The following MTHFD1L variants were observed in gnomAD, a reference collection of about 807,000 sequenced individuals.
MTHFD1L encodes the protein methylenetetrahydrofolate dehydrogenase (NADP+ dependent) 1 like.
In MTHFD1L, 81 loss-of-function variants were observed where a neutral mutation model predicts 119.5. The observed-to-expected ratio is 0.68, with a 90% CI of 0.57 to 0.82. The LOEUF is 0.82. Among genes scored for constraint, MTHFD1L ranks in the 40% least tolerant of loss-of-function variants. MTHFD1L has a pLI of 0.00. For missense variants in MTHFD1L, 1,125 were observed against 1,253.4 expected, an observed-to-expected ratio of 0.90 and a Z score of 1.55; for synonymous variants, 430 against 475.2, an observed-to-expected ratio of 0.90 and a Z score of 1.24.
At chr6:150,898,169 G>A (rs748971820) in intron 7 of MTHFD1L, among the ~76,000 whole-genome samples, 20 of 152,154 alleles carry the variant, frequency 1.3e-4, no homozygotes, top group Non-Finnish European at 2.4e-4. Context: ...TAATGGGAAC[G>A]TCTTAAACAT....
At chr6:150,893,906 C>G (rs1243881751) in intron 7 of MTHFD1L, among the ~76,000 whole-genome samples, 2 of 152,182 alleles carry the variant, frequency 1.3e-5, no homozygotes, top group East Asian at 3.9e-4. Context: ...GAAAGGCAAT[C>G]ATAATACTCC....
chr6:150,906,527 G>C (rs898061261), intron 8 of MTHFD1L, among the ~76,000 whole-genome samples: 1 of 152,240 alleles, frequency 6.6e-6, no homozygotes, highest in African/African-American at 2.4e-5. Flanking sequence ...TAGCACAGGT[G>C]AGCCAGAGAC....
intron 26 of MTHFD1L, among the ~76,000 whole-genome samples, chr6:151,091,046 C>CATGCGACTGGGTGCAGCATCGTT (rs1794364203): frequency 1.3e-5 from 1 of 76,998 alleles, no homozygotes; most frequent in Non-Finnish European, 2.6e-5. Flanking sequence ...GCAGCATCGC[C>CATGCGACTGGGTGCAGCATCGTT]CCATGCGACT....
chr6:151,060,271 G>A (rs904410838), intron 26 of MTHFD1L, among the ~76,000 whole-genome samples: 4 of 152,126 alleles, frequency 2.6e-5, no homozygotes, highest in Admixed American at 1.3e-4. Context: ...TCAGATGAAC[G>A]GAGATGATTC....
At chr6:150,916,794 C>CTTTTTTTTTTTTT (rs1554245687) in intron 8 of MTHFD1L, among the ~76,000 whole-genome samples, 1 of 74,220 alleles carries the variant, frequency 1.3e-5, no homozygotes, top group Non-Finnish European at 2.5e-5. Flanking sequence ...TGGAGTTTTG[C>CTTTTTTTTTTTTT]TCTTGTTGCC....
intron 20 of MTHFD1L, among the ~76,000 whole-genome samples, chr6:150,991,676 A>G (rs1214330219): frequency 3.3e-5 from 5 of 152,222 alleles, no homozygotes; most frequent in African/African-American, 1.2e-4. Flanking sequence ...GTAGCTGACA[A>G]GTGTCAGCAG....
chr6:151,017,835 T>G (rs375189448), intron 24 of MTHFD1L, among the ~76,000 whole-genome samples: 2 of 144,666 alleles, frequency 1.4e-5, no homozygotes, highest in Non-Finnish European at 3.0e-5. Context: ...GTTTTCTTTT[T>G]TTTTTTTTTT....
intron 26 of MTHFD1L, among the ~76,000 whole-genome samples, chr6:151,069,545 A>G (rs1791727642): frequency 6.6e-6 from 1 of 152,268 alleles, no homozygotes; most frequent in East Asian, 1.9e-4. Context: ...CTAGATATAC[A>G]ACTTTGACTT....
intron 20 of MTHFD1L, among the ~76,000 whole-genome samples, chr6:150,995,014 G>A (rs764121937): frequency 1.3e-5 from 2 of 152,126 alleles, no homozygotes; most frequent in East Asian, 3.9e-4. Flanking sequence ...TATATCTTTC[G>A]TATTTTCCTG....
intron 26 of MTHFD1L, among the ~76,000 whole-genome samples, chr6:151,090,352 G>A (rs1433449706): frequency 6.6e-6 from 1 of 152,232 alleles, no homozygotes; most frequent in Admixed American, 6.5e-5. Context: ...GGTGGCTGGA[G>A]CTGTTGGGGG....
At chr6:151,020,683 A>T (rs182519553) in intron 24 of MTHFD1L, among the ~76,000 whole-genome samples, 5 of 152,332 alleles carry the variant, frequency 3.3e-5, no homozygotes, top group Admixed American at 1.3e-4. Context: ...ACAGAGGATC[A>T]TTTCCTCTCT....
intron 4 of MTHFD1L, among the ~76,000 whole-genome samples, chr6:150,878,795 A>G (rs772720430): frequency 5.4e-4 from 82 of 152,170 alleles, no homozygotes; most frequent in Non-Finnish European, 7.8e-4. Context: ...ACAAGGGGGC[A>G]TTGGTGAGTC....
chr6:150,987,673 G>A (rs550978713), intron 20 of MTHFD1L, among the ~76,000 whole-genome samples: 3 of 152,266 alleles, frequency 2.0e-5, no homozygotes, highest in South Asian at 2.1e-4. Context: ...TTTTACCACC[G>A]TGCTTTGCCA....
At chr6:151,009,796 A>G in intron 20 of MTHFD1L, 23 bp from the exon 21 acceptor site, 1 of 1,613,150 alleles carries the variant, frequency 6.2e-7, no homozygotes, top group Non-Finnish European at 8.5e-7. Flanking sequence ...ATAATAGCAC[A>G]TATTCCACTT....
At position 150,964,982 on chromosome 6, in the gene MTHFD1L, C is replaced by T. The variant is rs1477833805; in HGVS notation, c.1958C>T (p.Ala653Val). The T allele has an allele frequency of 3.1e-6, 5 of 1,613,794 alleles. No individual in the cohort carries two copies. Among genetic ancestry groups the T allele is most frequent in the Non-Finnish European group, 4.2e-6 (5 of 1,179,878 alleles). ...VTADDLGVTG[A>V]LTVLMKDAIK... The stretch of plus-strand genomic sequence containing the variant: ...TCTCTCCTGTAGGGGGTGACAGGTG[C>T]TTTGACAGTTTTGATGAAAGATGCA... The change falls in exon 19 of 28, where the codon GCT (alanine) becomes GTT (valine). Residue 653 changes from alanine (A) to valine (V), a missense_variant. Transcript: ENST00000367321.
At chr6:151,097,899 G>T (rs905347078) in intron 27 of MTHFD1L, among the ~76,000 whole-genome samples, 1 of 152,160 alleles carries the variant, frequency 6.6e-6, no homozygotes. Context: ...ATTAGGCCAG[G>T]TGTGGTGGCT....
At chr6:150,983,444 G>T (rs1297456786) in intron 20 of MTHFD1L, among the ~76,000 whole-genome samples, 7 of 152,168 alleles carry the variant, frequency 4.6e-5, no homozygotes, top group Non-Finnish European at 7.4e-5. Flanking sequence ...GTGCATCAGT[G>T]GTTGTTAGCC....
intron 13 of MTHFD1L, among the ~76,000 whole-genome samples, 183 bp downstream of exon 13, chr6:150,938,928 C>G (rs886677417): frequency 6.6e-6 from 1 of 152,182 alleles, no homozygotes; most frequent in African/African-American, 2.4e-5. Context: ...CTGTGATGAG[C>G]TATAATTATA....
chr6:151,068,106 T>C (rs4869978), intron 26 of MTHFD1L, among the ~76,000 whole-genome samples: 125,376 of 152,248 alleles, frequency 0.82, 51,780 homozygotes, highest in East Asian at 0.93. Flanking sequence ...ACGCCATTGG[T>C]AATGGAGGAG....
Sources: gnomAD v4.1 joint callset for allele counts (sites outside exome capture counted in the v4.1 genomes callset) on GRCh38, gnomAD v4.1.1 for gene constraint, MANE v1.5 for transcripts, NCBI Gene and HGNC (gene_info 2026-07-23, HGNC 2026-07-21) for gene names.